The following GALNT16 variants were observed in gnomAD, a reference collection of about 807,000 sequenced individuals.
The protein encoded by GALNT16 is UDP-GalNAc:polypeptide N-acetylgalactosaminyltransferase-like protein 1.
In GALNT16, 40 loss-of-function variants were observed where a neutral mutation model predicts 76.1. The ratio of observed to expected loss-of-function variants is 0.53; its 90% CI spans 0.41 to 0.68. The LOEUF is 0.68. GALNT16 is among the 30% of genes least tolerant of loss of function. The pLI, the probability that GALNT16 is intolerant of heterozygous loss-of-function variation, is 0.00. For synonymous variants in GALNT16, 276 were observed against 285.2 expected (o/e 0.97, Z 0.32); for missense variants, 621 against 731.9 (o/e 0.85, Z 1.75).
intron 2 of GALNT16, among the ~76,000 whole-genome samples, chr14:69,323,989 A>G (rs1246658485): frequency 6.6e-6 from 1 of 152,182 alleles, no homozygotes; most frequent in East Asian, 1.9e-4. Context: ...GGCAGGAATG[A>G]ATTGTTTTCA....
At chr14:69,320,093 A>C (rs1671532) in intron 1 of GALNT16, among the ~76,000 whole-genome samples, 117,110 of 152,144 alleles carry the variant, frequency 0.77, 45,709 homozygotes, top group East Asian at 1. Flanking sequence ...TCACCCCCCC[A>C]ATATCCCGCA....
rs746319952 is a variant in GALNT16, at chr14:69,339,562, A to G, written c.1130A>G (p.Glu377Gly). 2 of 1,613,300 alleles carry G rather than the reference A, an allele frequency of 1.2e-6. No homozygotes were observed. Among genetic ancestry groups the G allele is most frequent in the South Asian group, 2.2e-5 (2 of 91,040 alleles). Residue 377 changes from glutamate (E) to glycine (G), a missense_variant, in exon 11 of 15, where the codon GAA (glutamate) becomes GGA (glycine). Glu to Gly is a moderately conservative substitution (Grantham distance 98). Coordinates refer to ENST00000448469, the MANE Select transcript of GALNT16 (RefSeq NM_001168368.2). ...TKRTAEVWMD[E>G]YKQYYYEARP... is the part of the protein sequence containing the mutation. ...CGCACTGCAGAAGTGTGGATGGATG[A>G]ATACAAGCAATACTACTATGAGGCC...
At position 69,324,591 on chromosome 14, in the gene GALNT16, T is replaced by A. The variant is rs2045194; in HGVS notation, c.336-101T>A. 0.59 allele frequency: 355,609 copies of A among 605,134 alleles called. 107,755 individuals carry two copies. Among genetic ancestry groups the A allele is most frequent in the South Asian group, 0.74 (29,324 of 39,710 alleles). The allele number at this position is 605,134 out of a possible 1,614,324, so 37.5% of individuals were successfully genotyped here. A position where few individuals can be genotyped will look rare whatever the true frequency, so the allele number is the denominator to read the frequency against. ...TGGCTGTTGGTGTGCCTTCTCTGCC[T>A]GGCAGAAGTATTCTCAGGCACAAGA... is the stretch of plus-strand genomic sequence containing the variant. On this transcript the variant is annotated intron_variant, in intron 2 of 14. Coordinates refer to ENST00000448469, the MANE Select transcript of GALNT16 (RefSeq NM_001168368.2).
intron 1 of GALNT16, among the ~76,000 whole-genome samples, chr14:69,313,369 C>G (rs929560044): frequency 6.6e-6 from 1 of 152,216 alleles, no homozygotes; most frequent in Non-Finnish European, 1.5e-5. Flanking sequence ...GGGCAAAGGG[C>G]GGGAAATGGA....
At chr14:69,294,018 G>A (rs1300618865) in intron 1 of GALNT16, among the ~76,000 whole-genome samples, 1 of 152,090 alleles carries the variant, frequency 6.6e-6, no homozygotes, top group African/African-American at 2.4e-5. Context: ...AGCCTCCTGA[G>A]TAGTTGGGAC....
intron 1 of GALNT16, among the ~76,000 whole-genome samples, chr14:69,305,663 T>G (rs1234691661): frequency 6.6e-6 from 1 of 152,170 alleles, no homozygotes; most frequent in Non-Finnish European, 1.5e-5. Context: ...TTCCTTAGAA[T>G]TTTTGGAAAT....
chr14:69,324,806 G>A lies in GALNT16; in HGVS notation c.434+16G>A. On this transcript the variant is annotated intron_variant, in intron 3 of 14. Coordinates refer to ENST00000448469, the MANE Select transcript of GALNT16 (RefSeq NM_001168368.2). ...CAGTGAAGAGGTAAGTCCAGCCATG[G>A]GACTCTCATCTCAGTGGTGCTGGCA... 2 of 1,534,522 alleles carry A rather than the reference G, an allele frequency of 1.3e-6. No individual in the cohort carries two copies. The highest frequency in any genetic ancestry group is 1.8e-6 in the Non-Finnish European group (2 of 1,120,276).
At chr14:69,260,605 A>G in intron 1 of GALNT16, 138 bp downstream of exon 1, 3 of 524,696 alleles carry the variant, frequency 5.7e-6, no homozygotes, top group Non-Finnish European at 8.3e-6. Flanking sequence ...ATGTTGGAGC[A>G]TTCCTGCCCG....
At chr14:69,302,749 G>A (rs1376389355) in intron 1 of GALNT16, among the ~76,000 whole-genome samples, 1 of 152,094 alleles carries the variant, frequency 6.6e-6, no homozygotes, top group East Asian at 1.9e-4. Flanking sequence ...AGATAAATTA[G>A]GGTTTCAGAT....
At chr14:69,302,666 A>G (rs144965473) in intron 1 of GALNT16, among the ~76,000 whole-genome samples, 447 of 152,334 alleles carry the variant, frequency 2.9e-3, no homozygotes, top group African/African-American at 7.8e-3. Flanking sequence ...TATGAATTTT[A>G]ATGGCTATAT....
At chr14:69,311,045 G>A (rs987299439) in intron 1 of GALNT16, among the ~76,000 whole-genome samples, 2 of 152,222 alleles carry the variant, frequency 1.3e-5, no homozygotes, top group Non-Finnish European at 2.9e-5. Context: ...TGAGGGGACA[G>A]GTCACACCTG....
chr14:69,288,165 C>T (rs2044640436), intron 1 of GALNT16, among the ~76,000 whole-genome samples: 2 of 152,112 alleles, frequency 1.3e-5, no homozygotes, highest in Admixed American at 1.3e-4. Context: ...GCCTAGTGGC[C>T]TAATTTACAG....
intron 1 of GALNT16, 136 bp from the exon 2 acceptor site, chr14:69,320,575 G>A: frequency 1.5e-6 from 1 of 660,010 alleles, no homozygotes; most frequent in Non-Finnish European, 2.7e-6. Flanking sequence ...GGGAGATAAT[G>A]GTCTCCTCCT....
chr14:69,332,750 C>T (rs1241439630), intron 7 of GALNT16: 7 of 251,052 alleles, frequency 2.8e-5, no homozygotes, highest in African/African-American at 7.0e-5. Context: ...GTCTCTACTC[C>T]AAAGTCACCA....
intron 1 of GALNT16, among the ~76,000 whole-genome samples, chr14:69,288,302 C>G (rs867345446): frequency 3.9e-5 from 6 of 152,228 alleles, no homozygotes; most frequent in African/African-American, 1.2e-4. Context: ...CCCACTACCC[C>G]CTGCTGCGTC....
At chr14:69,289,567 C>A (rs2044662559) in intron 1 of GALNT16, among the ~76,000 whole-genome samples, 1 of 151,956 alleles carries the variant, frequency 6.6e-6, no homozygotes, top group Non-Finnish European at 1.5e-5. Flanking sequence ...TCCACAGGGG[C>A]CTACAAGGAC....
chr14:69,307,896 C>G (rs188897872), intron 1 of GALNT16, among the ~76,000 whole-genome samples: 16 of 152,330 alleles, frequency 1.1e-4, no homozygotes, highest in African/African-American at 9.6e-5. Context: ...CCCCCACCCC[C>G]AGTCCCACCC....
At chr14:69,308,721 C>T (rs934881957) in intron 1 of GALNT16, among the ~76,000 whole-genome samples, 5 of 152,144 alleles carry the variant, frequency 3.3e-5, no homozygotes, top group Non-Finnish European at 7.3e-5. Context: ...CAGAAGGGCT[C>T]CAGAGAGCAC....
chr14:69,322,868 G>A (rs895089936), intron 2 of GALNT16, among the ~76,000 whole-genome samples: 7 of 151,938 alleles, frequency 4.6e-5, no homozygotes, highest in African/African-American at 1.7e-4. Flanking sequence ...TCCAGCCTGG[G>A]TGCCAGAGTA....
Sources: allele counts gnomAD v4.1 joint callset (sites outside exome capture counted in the v4.1 genomes callset), GRCh38; gene constraint gnomAD v4.1.1; transcripts MANE v1.5; gene names NCBI Gene and HGNC (gene_info 2026-07-23, HGNC 2026-07-21).